Variants in ABHD2 observed in about 807,000 individuals in gnomAD.
ABHD2 encodes the protein abhydrolase domain containing 2, acylglycerol lipase.
In ABHD2, 20 loss-of-function variants were observed where a neutral mutation model predicts 48.1. That is an observed-to-expected ratio of 0.42 (90% confidence interval 0.29 to 0.60). ABHD2 has a LOEUF of 0.60. Among genes scored for constraint, ABHD2 ranks in the 20% least tolerant of loss-of-function variants. The pLI is 0.24. For missense variants in ABHD2, 405 were observed against 550.9 expected (o/e 0.74, Z 2.65); for synonymous variants, 209 against 214.2 (o/e 0.98, Z 0.21).
At chr15:89,088,244 A>T (rs1739287541), upstream of ABHD2, 1 of 152,354 alleles carries the variant, frequency 6.6e-6, no homozygotes, top group South Asian at 2.1e-4. The surrounding 1 kb of genome is among the most constrained non-coding windows in gnomAD (Gnocchi z 6.8). Flanking sequence ...CCAATTGCTG[A>T]GGAGCTCTCC....
the ABHD2 span, chr15:89,075,334 G>C: frequency 1.3e-5 from 2 of 152,350 alleles, no homozygotes; most frequent in Admixed American, 1.3e-4. This position sits in a 1 kb window ranked among gnomAD's most constrained non-coding sequence, Gnocchi z 4.1. Context: ...TCCACAGGAA[G>C]ATGAGGAAAG....
chr15:89,148,982 T>A (rs1223471709), intron 3 of ABHD2, among the ~76,000 whole-genome samples: 2 of 152,212 alleles, frequency 1.3e-5, no homozygotes, highest in Non-Finnish European at 2.9e-5. Flanking sequence ...TCTTGTGGTC[T>A]GTGGATAAGT....
chr15:89,042,587 C>CTTTCTTATTTAT, the ABHD2 span, among the ~76,000 whole-genome samples: 4 of 142,010 alleles, frequency 2.8e-5, no homozygotes, highest in African/African-American at 1.0e-4. Context: ...TTCTTTCTTT[C>CTTTCTTATTTAT]TTATTTATTT....
chr15:89,096,764 A>C (rs2049619786), intron 1 of ABHD2, among the ~76,000 whole-genome samples: 3 of 152,254 alleles, frequency 2.0e-5, no homozygotes. Flanking sequence ...TGGGAAAGAC[A>C]CTTTACAGGG....
chr15:89,082,983 T>C (rs1162280579), upstream of ABHD2, among the ~76,000 whole-genome samples: 2 of 152,124 alleles, frequency 1.3e-5, no homozygotes, highest in Admixed American at 1.3e-4. The surrounding 1 kb of genome is among the most constrained non-coding windows in gnomAD (Gnocchi z 4.4). Flanking sequence ...ACCTCCCAGG[T>C]AGCTGGAATT....
chr15:89,106,002 G>A lies in ABHD2; in HGVS notation c.-106-7723G>A, dbSNP rs1445868321. Among the ~76,000 whole-genome samples, 7 of 152,114 alleles carry A rather than the reference G, an allele frequency of 4.6e-5. No homozygotes were observed. Among genetic ancestry groups the A allele is most frequent in the Admixed American group, 2.0e-4 (3 of 15,266 alleles). On this transcript the variant is annotated intron_variant, in intron 1 of 10. Coordinates refer to ENST00000352732, the MANE Select transcript of ABHD2 (RefSeq NM_152924.5). The surrounding 1 kb of genome is among the most constrained non-coding windows in gnomAD (Gnocchi z 4.2). ...TAGATGTAAGCCACTGTGCCCAGCC[G>A]AGAGGTGGTCTTTTAAAACCCAGAG...
chr15:89,174,447 G>A lies in ABHD2; in HGVS notation c.539-1365G>A, dbSNP rs1328811125. 6.6e-6 allele frequency among the ~76,000 whole-genome samples: 1 copy of A among 152,188 alleles called. No homozygotes were observed. The highest frequency in any genetic ancestry group is 1.5e-5 in the Non-Finnish European group (1 of 68,034). On this transcript the variant is annotated intron_variant, in intron 5 of 10. Coordinates refer to ENST00000352732, the MANE Select transcript of ABHD2 (RefSeq NM_152924.5). The surrounding 1 kb of genome is among the most constrained non-coding windows in gnomAD (Gnocchi z 4.1). Reference sequence around the variant, plus strand: ...GTCATTTCTAACACCCTCTCCAGGTGATTCTATGCACACTGCAGCTTAAGA... The same window carrying A: ...GTCATTTCTAACACCCTCTCCAGGTAATTCTATGCACACTGCAGCTTAAGA...
chr15:89,133,563 T>C (rs566606440), intron 3 of ABHD2, among the ~76,000 whole-genome samples: 17 of 152,322 alleles, frequency 1.1e-4, no homozygotes, highest in Non-Finnish European at 2.4e-4. Flanking sequence ...GTGAAAAATG[T>C]TTTCTCACTG....
chr15:89,095,449 C>G (rs2049597405), intron 1 of ABHD2, among the ~76,000 whole-genome samples: 1 of 152,140 alleles, frequency 6.6e-6, no homozygotes, highest in African/African-American at 2.4e-5. Context: ...TTCTTTGAAT[C>G]CTGAAGCCTG....
intron 1 of ABHD2, among the ~76,000 whole-genome samples, chr15:89,098,189 C>T (rs1054350174): frequency 2.6e-5 from 4 of 152,138 alleles, no homozygotes; most frequent in Non-Finnish European, 5.9e-5. Context: ...CAAATTTTAG[C>T]AAATTTCTAC....
At chr15:89,119,727 G>A (rs1288934499) in intron 3 of ABHD2, among the ~76,000 whole-genome samples, 1 of 152,100 alleles carries the variant, frequency 6.6e-6, no homozygotes, top group Non-Finnish European at 1.5e-5. Context: ...ACAGCCCCTG[G>A]GTGACCTTTG....
intron 5 of ABHD2, among the ~76,000 whole-genome samples, chr15:89,170,894 G>A (rs986906457): frequency 6.6e-6 from 1 of 152,122 alleles, no homozygotes; most frequent in African/African-American, 2.4e-5. Context: ...GAGGGGGGCG[G>A]ATCACAAGGT....
chr15:89,162,221 A>G (rs1244012841), intron 5 of ABHD2, among the ~76,000 whole-genome samples: 1 of 152,144 alleles, frequency 6.6e-6, no homozygotes, highest in Non-Finnish European at 1.5e-5. Context: ...GCATCATCAC[A>G]ACGGAAACAC....
At chr15:89,072,903 T>C in the ABHD2 span, among the ~76,000 whole-genome samples, 1 of 152,190 alleles carries the variant, frequency 6.6e-6, no homozygotes, top group Non-Finnish European at 1.5e-5. Context: ...TAGAAACTTT[T>C]CCTAAATTTA....
At chr15:89,119,126 C>T (rs143952511) in intron 3 of ABHD2, among the ~76,000 whole-genome samples, 2 of 152,274 alleles carry the variant, frequency 1.3e-5, no homozygotes, top group Admixed American at 1.3e-4. Flanking sequence ...TAAAGGCAAA[C>T]CTGATGATTG....
rs2049962935 is a variant in ABHD2, at chr15:89,116,460, T to C, written c.133T>C (p.Tyr45His). 1 of 1,614,146 alleles carries C rather than the reference T, an allele frequency of 6.2e-7. No individual in the cohort carries two copies. Among genetic ancestry groups the C allele is most frequent in the Non-Finnish European group, 8.5e-7 (1 of 1,180,060 alleles). Residue 45 changes from tyrosine (Y) to histidine (H), a missense_variant, in exon 3 of 11, where the codon TAC (tyrosine) becomes CAC (histidine). Tyr to His is a moderately conservative substitution (Grantham distance 83, BLOSUM62 2). Transcript: ENST00000352732. The surrounding 1 kb of genome is among the most constrained non-coding windows in gnomAD (Gnocchi z 4.6). ...GAGCCCCACAGCCCCACCTGACCTC[T>C]ACTTCCAGGACTCGGGGCTCTCACG... The part of the protein sequence containing the change: ...LKSPTAPPDL[Y>H]FQDSGLSRFL...
intron 5 of ABHD2, among the ~76,000 whole-genome samples, chr15:89,170,970 G>A (rs1389670137): frequency 6.6e-6 from 1 of 152,034 alleles, no homozygotes; most frequent in Non-Finnish European, 1.5e-5. Flanking sequence ...ACAAAAATTA[G>A]CCCGGCGTGG....
At chr15:89,050,547 T>C in the ABHD2 span, among the ~76,000 whole-genome samples, 2 of 152,202 alleles carry the variant, frequency 1.3e-5, no homozygotes, top group African/African-American at 2.4e-5. Flanking sequence ...TGAACTGACA[T>C]TTCCACCCAC....
chr15:89,146,440 G>C lies in ABHD2; in HGVS notation c.195-5237G>C, dbSNP rs565289123. On this transcript the variant is annotated intron_variant, in intron 3 of 10. Transcript: ENST00000352732. This position sits in a 1 kb window ranked among gnomAD's most constrained non-coding sequence, Gnocchi z 4.2. ...GGGTGGGAGGGAGATCCAGACCCTT[G>C]TGGTCTTTCCCACTGACCAATTCTC... Among the ~76,000 whole-genome samples, 1 of 150,938 alleles carries C rather than the reference G, an allele frequency of 6.6e-6. No homozygotes were observed. The highest frequency in any genetic ancestry group is 2.1e-4 in the South Asian group (1 of 4,732).
Sources: allele counts gnomAD v4.1 joint callset (sites outside exome capture counted in the v4.1 genomes callset), GRCh38; gene constraint gnomAD v4.1.1; non-coding constraint Gnocchi (gnomAD v3.1); transcripts MANE v1.5; gene names NCBI Gene and HGNC (gene_info 2026-07-23, HGNC 2026-07-21).